SPIRE2: variants seen among roughly 807,000 people sequenced by gnomAD.
SPIRE2 encodes spire type actin nucleation factor 2.
A neutral mutation model predicts 80.7 loss-of-function variants in SPIRE2; 76 were observed. The observed-to-expected ratio is 0.94, with a 90% CI of 0.78 to 1.14. The LOEUF is 1.14. Ranked by LOEUF, SPIRE2 falls within the 50% of genes most tolerant of loss-of-function variation. The probability of loss-of-function intolerance (pLI) is 0.00; values close to 1 mark genes in which losing one functional copy is unlikely to be tolerated. For missense variants in SPIRE2, 1,196 were observed against 1,015.3 expected, an observed-to-expected ratio of 1.18 and a Z score of -2.42; for synonymous variants, 535 against 432.6, an observed-to-expected ratio of 1.24 and a Z score of -2.94.
At chr16:89,848,562 G>C (rs1292671990) in intron 2 of SPIRE2, among the ~76,000 whole-genome samples, 1 of 144,934 alleles carries the variant, frequency 6.9e-6, no homozygotes, top group Non-Finnish European at 1.6e-5. Context: ...AGGTTCCAGG[G>C]CCTTCTACAG....
intron 10 of SPIRE2, chr16:89,861,947 A>G (rs192327000): frequency 6.6e-6 from 1 of 152,138 alleles, no homozygotes; most frequent in Non-Finnish European, 1.5e-5. Context: ...CTCACTAGGA[A>G]TGAGTCACTA....
At position 89,828,593 on chromosome 16, in the gene SPIRE2, G is replaced by T. The variant is rs1079557; in HGVS notation, c.43G>T (p.Gly15Trp). Residue 15 changes from glycine (G) to tryptophan (W), a missense_variant, in exon 1 of 15, where the codon GGG becomes TGG. By Grantham distance (184) the Gly-to-Trp change is radical. Transcript: ENST00000378247. This position sits in a 1 kb window ranked among gnomAD's most constrained non-coding sequence, Gnocchi z 5.9. ...GSCGGAAAGA[G>W]RPEPWELSLE... ...CTGCGGCGGCGCCGCGGCGGGCGCA[G>T]GGCGGCCGGAGCCCTGGGAGCTGTC... 8.3e-7 allele frequency: 1 copy of T among 1,206,118 alleles called. No individual in the cohort carries two copies. Among genetic ancestry groups the T allele is most frequent in the South Asian group, 2.9e-5 (1 of 34,608 alleles). 74.7% of individuals were successfully genotyped at this position (1,206,118 alleles called of 1,614,324 possible).
chr16:89,857,611 C>T (rs1231421767), intron 7 of SPIRE2, among the ~76,000 whole-genome samples: 16 of 150,666 alleles, frequency 1.1e-4, no homozygotes, highest in Non-Finnish European at 1.8e-4. Flanking sequence ...GCCCTTTTTG[C>T]CCAGGCTGGA....
intron 5 of SPIRE2, among the ~76,000 whole-genome samples, chr16:89,855,165 C>G (rs186848469): frequency 6.6e-6 from 1 of 152,200 alleles, no homozygotes; most frequent in African/African-American, 2.4e-5. Context: ...GTCTCGATCT[C>G]CTGACCTTGT....
intron 2 of SPIRE2, among the ~76,000 whole-genome samples, chr16:89,848,705 T>C (rs1002464395): frequency 9.7e-5 from 13 of 133,614 alleles, no homozygotes; most frequent in Non-Finnish European, 1.9e-4. Context: ...CCTTCTGCAG[T>C]GTTTCTACAG....
At chr16:89,835,121 T>G (rs569241851) in intron 1 of SPIRE2, among the ~76,000 whole-genome samples, 74 of 147,308 alleles carry the variant, frequency 5.0e-4, no homozygotes, top group African/African-American at 1.8e-3. Context: ...GCATAGCCCG[T>G]GTGAATCTGT....
Position 89,855,688 on chromosome 16 carries a change from T to G in SPIRE2, c.978+2T>G, listed in dbSNP as rs753558494. 1.2e-6 allele frequency: 2 copies of G among 1,612,580 alleles called. No individual in the cohort carries two copies. The highest frequency in any genetic ancestry group is 1.7e-6 in the Non-Finnish European group (2 of 1,179,836). On this transcript the variant is annotated splice_donor_variant, in intron 6 of 14. Transcript: ENST00000378247. LOFTEE classifies it high-confidence loss of function. ...CGCTCACGGCCTCCACTGAAGCAGGTGCTGCCCCAGCCTCCTCCTCCTCAG... is the reference window on the plus strand; with the variant it reads ...CGCTCACGGCCTCCACTGAAGCAGGGGCTGCCCCAGCCTCCTCCTCCTCAG...
In SPIRE2 at chr16:89,828,651, C is replaced by G; in HGVS notation, c.101C>G (p.Pro34Arg). The G allele has an allele frequency of 7.3e-7, 1 of 1,367,564 alleles. No homozygotes were observed. The highest frequency in any genetic ancestry group is 9.5e-7 in the Non-Finnish European group (1 of 1,050,014). 84.7% of individuals were successfully genotyped at this position (1,367,564 alleles called of 1,614,324 possible). The change falls in exon 1 of 15, where the codon CCG (proline) becomes CGG (arginine). Residue 34 changes from proline to arginine, a missense_variant. Transcript: ENST00000378247. The surrounding 1 kb of genome is among the most constrained non-coding windows in gnomAD (Gnocchi z 5.9). ...LEEVLKAYEQPLNEEQAWAVC... is the reference protein window; with the variant it reads ...LEEVLKAYEQRLNEEQAWAVC... ...GAGGTGCTGAAGGCCTACGAGCAGC[C>G]GCTCAACGAGGAGCAGGCGTGGGCC...
Position 89,869,554 on chromosome 16 carries a change from C to A in SPIRE2, c.1807-13C>A. 1 of 1,575,112 alleles carries A rather than the reference C, an allele frequency of 6.3e-7. No homozygotes were observed. Among genetic ancestry groups the A allele is most frequent in the African/African-American group, 1.3e-5 (1 of 74,302 alleles). On this transcript the variant is annotated splice_polypyrimidine_tract_variant and intron_variant, in intron 13 of 14. Coordinates refer to ENST00000378247, the MANE Select transcript of SPIRE2 (RefSeq NM_032451.2). ...GTGGTGCCTGGTTCATACCTCCTCC[C>A]TCTGTGCTGCAGATGAAGATGCCTT...
At position 89,870,324 on chromosome 16, in the gene SPIRE2, G is replaced by A. The variant is rs1262534060; in HGVS notation, c.*52G>A. On this transcript the variant is annotated 3_prime_UTR_variant, in exon 15 of 15. Transcript: ENST00000378247. The stretch of plus-strand genomic sequence containing the variant: ...AGGCACCAGGCAGGCCCTGTATCAG[G>A]CTAGGACGCTCTGAGCTGTGCATGT... The A allele has an allele frequency of 8.3e-7, 1 of 1,199,308 alleles. No individual in the cohort carries two copies. Among genetic ancestry groups the A allele is most frequent in the Admixed American group, 2.0e-5 (1 of 50,540 alleles). 74.3% of individuals were successfully genotyped at this position (1,199,308 alleles called of 1,614,324 possible).
rs1305645850 is a variant in SPIRE2 at position 89,850,486 on chromosome 16, GGCC to G, written c.473_475del (p.Ala158del). 2.6e-6 allele frequency: 4 copies of G among 1,536,094 alleles called. No individual in the cohort carries two copies. Among genetic ancestry groups the G allele is most frequent in the Non-Finnish European group, 2.6e-6 (3 of 1,143,244 alleles). On this transcript the variant is annotated inframe_deletion, in exon 3 of 15. Coordinates refer to ENST00000378247, the MANE Select transcript of SPIRE2 (RefSeq NM_032451.2). ...ACGGGGGTCCCGAGGAGGAGGAGGA[GGCC>G]GAGGGCGTCCCCCGCAGCGTGCGCA... is the stretch of plus-strand genomic sequence containing the variant.
chr16:89,841,169 G>A (rs1176602298), intron 1 of SPIRE2, among the ~76,000 whole-genome samples: 3 of 150,018 alleles, frequency 2.0e-5, no homozygotes, highest in African/African-American at 7.4e-5. Flanking sequence ...GGGTGACAGA[G>A]CAACACCTTG....
intron 12 of SPIRE2, among the ~76,000 whole-genome samples, 172 bp downstream of exon 12, chr16:89,864,033 TTTAAA>T (rs2041767957): frequency 1.3e-5 from 2 of 152,344 alleles, no homozygotes; most frequent in African/African-American, 2.4e-5. Flanking sequence ...TTAAATTGTA[TTTAAA>T]TTAAATTAAA....
At chr16:89,838,370 G>A (rs1218877831) in intron 1 of SPIRE2, among the ~76,000 whole-genome samples, 1 of 152,010 alleles carries the variant, frequency 6.6e-6, no homozygotes, top group Non-Finnish European at 1.5e-5. Context: ...TTTTAGTAGA[G>A]ATGGGGTTTC....
intron 13 of SPIRE2, among the ~76,000 whole-genome samples, chr16:89,869,340 G>C (rs906187100): frequency 7.2e-5 from 11 of 152,058 alleles, no homozygotes; most frequent in African/African-American, 2.7e-4. Flanking sequence ...GACGGTTCTT[G>C]CGCTCTAAGA....
In SPIRE2 at chr16:89,854,289, C is replaced by G. The variant is rs1041632709; in HGVS notation, c.649C>G (p.Leu217Val). Residue 217 changes from leucine (L) to valine (V), a missense_variant, in exon 4 of 15, where the codon CTG becomes GTG. Transcript: ENST00000378247. ...LARVREAKEM[L>V]QKLREDEPHL... ...TGACGAGCACGTGTGGTCACAGATGCTGCAGAAGCTTCGGGAGGACGAGCC... is the reference window on the plus strand; with the variant it reads ...TGACGAGCACGTGTGGTCACAGATGGTGCAGAAGCTTCGGGAGGACGAGCC... The G allele has an allele frequency of 1.2e-6, 2 of 1,611,920 alleles. No individual in the cohort carries two copies. Among genetic ancestry groups the G allele is most frequent in the Non-Finnish European group, 1.7e-6 (2 of 1,179,590 alleles).
In SPIRE2 at chr16:89,866,294, A is replaced by AT. The variant is rs899239259; in HGVS notation, c.1779-1883dup. Among the ~76,000 whole-genome samples, 148 of 148,124 alleles carry AT rather than the reference A, an allele frequency of 1.0e-3. 1 individual carries two copies. The highest frequency in any genetic ancestry group is 3.5e-3 in the Middle Eastern group (1 of 286). ...TACATTTTAATTCTCTCATGTTTGA[A>AT]TTTTTTTTTTTTATTTTTTTGAGAT... On this transcript the variant is annotated intron_variant, in intron 12 of 14. Coordinates refer to ENST00000378247, the MANE Select transcript of SPIRE2 (RefSeq NM_032451.2).
chr16:89,860,557 C>T (rs2041733809), intron 9 of SPIRE2, 126 bp from the exon 10 acceptor site: 3 of 651,976 alleles, frequency 4.6e-6, no homozygotes. Flanking sequence ...TGCCCGGCCG[C>T]TTCTCCCCTT....
rs2143826138 is a variant in SPIRE2 at position 89,863,634 on chromosome 16, T to C, written c.1710+24T>C. 6.2e-7 allele frequency: 1 copy of C among 1,614,064 alleles called. No individual in the cohort carries two copies. The highest frequency in any genetic ancestry group is 8.5e-7 in the Non-Finnish European group (1 of 1,180,024). On this transcript the variant is annotated intron_variant, in intron 11 of 14. Transcript: ENST00000378247. The surrounding 1 kb of genome is among the most constrained non-coding windows in gnomAD (Gnocchi z 4.3). ...AGGTGAGGCTGCCTAGACGTGGGGCTACGCTCTTGCCCGCTGGGTCAGGGG... is the reference window on the plus strand; with the variant it reads ...AGGTGAGGCTGCCTAGACGTGGGGCCACGCTCTTGCCCGCTGGGTCAGGGG...
Sources: gnomAD v4.1 joint callset for allele counts (sites outside exome capture counted in the v4.1 genomes callset) on GRCh38, gnomAD v4.1.1 for gene constraint, Gnocchi (gnomAD v3.1) non-coding constraint, MANE v1.5 for transcripts, NCBI Gene and HGNC (gene_info 2026-07-23, HGNC 2026-07-21) for gene names.